Variants in KIRREL3 observed in about 807,000 individuals in gnomAD.
KIRREL3 encodes kin of IRRE-like protein 3.
Under a neutral mutation model 89.7 loss-of-function variants are expected in KIRREL3, and 36 were observed. The observed-to-expected ratio is 0.40, with a 90% CI of 0.31 to 0.53. KIRREL3 has a LOEUF of 0.53. Ranked by LOEUF, KIRREL3 falls within the 20% of genes least tolerant of loss-of-function variation. The pLI is 0.49. For missense variants in KIRREL3, 864 were observed against 1,056.6 expected, an observed-to-expected ratio of 0.82 and a Z score of 2.53; for synonymous variants, 445 against 441.4, an observed-to-expected ratio of 1.01 and a Z score of -0.10.
Position 126,991,714 on chromosome 11 carries a change from C to T in KIRREL3, c.55+8741G>A, listed in dbSNP as rs757792897. Among the ~76,000 whole-genome samples the T allele has an allele frequency of 6.0e-4, 91 of 152,180 alleles. No individual in the cohort carries two copies. Among genetic ancestry groups the T allele is most frequent in the Non-Finnish European group, 1.1e-3 (75 of 68,036 alleles). ...GAAGGTCAGACCTGGGATTCGGATG[C>T]ATGATTTTCATAGGAAACTCCCTAA... On this transcript the variant is annotated intron_variant, in intron 1 of 16. Coordinates refer to ENST00000525144, the MANE Select transcript of KIRREL3 (RefSeq NM_032531.4). This position sits in a 1 kb window ranked among gnomAD's most constrained non-coding sequence, Gnocchi z 5.8.
Position 126,708,662 on chromosome 11 carries a change from C to G in KIRREL3, c.56-145750G>C, listed in dbSNP as rs530349941. ...TCGAGAGCCAAGAGCGGCACTCCCA[C>G]CTGGGCACTCCTTGCTGATGGACCG... On this transcript the variant is annotated intron_variant, in intron 1 of 16. Coordinates refer to ENST00000525144, the MANE Select transcript of KIRREL3 (RefSeq NM_032531.4). The surrounding 1 kb of genome is among the most constrained non-coding windows in gnomAD (Gnocchi z 5.7). Among the ~76,000 whole-genome samples the G allele has an allele frequency of 1.1e-3, 163 of 152,286 alleles. 2 individuals carry two copies. The South Asian group carries it at 0.024, about 23-fold the overall frequency.
intron 1 of KIRREL3, among the ~76,000 whole-genome samples, chr11:126,895,386 C>T (rs1306212001): frequency 2.7e-5 from 4 of 150,874 alleles, no homozygotes; most frequent in African/African-American, 9.8e-5. Flanking sequence ...TTGCTTGAAC[C>T]CGGGAGGCGG....
Position 126,639,495 on chromosome 11 carries a change from T to C in KIRREL3, c.56-76583A>G, listed in dbSNP as rs570164343. On this transcript the variant is annotated intron_variant, in intron 1 of 16. Transcript: ENST00000525144. This position sits in a 1 kb window ranked among gnomAD's most constrained non-coding sequence, Gnocchi z 4.3. ...ACTGAGCTCAATAAACCATTTCCAA[T>C]GTGGCAGCTTCTAATCCAGGAGAGT... Among the ~76,000 whole-genome samples the C allele has an allele frequency of 6.6e-6, 1 of 152,314 alleles. No homozygotes were observed. The highest frequency in any genetic ancestry group is 1.5e-5 in the Non-Finnish European group (1 of 68,016).
intron 2 of KIRREL3, among the ~76,000 whole-genome samples, chr11:126,554,431 A>C (rs1442540618): frequency 6.6e-6 from 1 of 152,224 alleles, no homozygotes; most frequent in Non-Finnish European, 1.5e-5. Context: ...CTGGGGACCA[A>C]GACAAGTGCC....
In KIRREL3 at chr11:126,808,740, G is replaced by A. The variant is rs1318178745; in HGVS notation, c.55+191715C>T. Among the ~76,000 whole-genome samples the A allele has an allele frequency of 1.3e-5, 2 of 152,140 alleles. No individual in the cohort carries two copies. Among genetic ancestry groups the A allele is most frequent in the East Asian group, 3.9e-4 (2 of 5,194 alleles). On this transcript the variant is annotated intron_variant, in intron 1 of 16. Transcript: ENST00000525144. The surrounding 1 kb of genome is among the most constrained non-coding windows in gnomAD (Gnocchi z 4.1). ...ACAACTTGCTTTCCAATTTCCACAT[G>A]CATATATAGAATGAATTGTTGAGAC... is the stretch of plus-strand genomic sequence containing the variant.
At chr11:126,949,170 T>C (rs1948705620) in intron 1 of KIRREL3, among the ~76,000 whole-genome samples, 1 of 152,214 alleles carries the variant, frequency 6.6e-6, no homozygotes, top group Non-Finnish European at 1.5e-5. Context: ...TCTACAGGTA[T>C]GATTTCTGGT....
intron 1 of KIRREL3, among the ~76,000 whole-genome samples, chr11:126,713,285 G>A (rs1199903012): frequency 3.9e-5 from 6 of 152,206 alleles, no homozygotes; most frequent in Admixed American, 3.9e-4. Context: ...GCCAGAGAGA[G>A]CCTCATGCAT....
chr11:126,856,253 G>A (rs1461461414), intron 1 of KIRREL3, among the ~76,000 whole-genome samples: 1 of 152,090 alleles, frequency 6.6e-6, no homozygotes, highest in Non-Finnish European at 1.5e-5. Flanking sequence ...TAACCAGGAT[G>A]GGAACTAATC....
chr11:126,497,463 C>A (rs1183949957), intron 4 of KIRREL3, among the ~76,000 whole-genome samples: 1 of 152,214 alleles, frequency 6.6e-6, no homozygotes, highest in Non-Finnish European at 1.5e-5. Context: ...CAACAAATAA[C>A]TCTGGTCTCC....
At position 126,905,278 on chromosome 11, in the gene KIRREL3, G is replaced by A. The variant is rs545952655; in HGVS notation, c.55+95177C>T. Among the ~76,000 whole-genome samples the A allele has an allele frequency of 1.7e-3, 253 of 152,208 alleles. 1 individual carries two copies. The highest frequency in any genetic ancestry group is 2.2e-3 in the Non-Finnish European group (148 of 68,008). On this transcript the variant is annotated intron_variant, in intron 1 of 16. Transcript: ENST00000525144. The surrounding 1 kb of genome is among the most constrained non-coding windows in gnomAD (Gnocchi z 5.0). Reference sequence around the variant, plus strand: ...ATTTTTTAGTGAAGGAGATGCTTCCGGGGGGAGCTGCAAGCTGAGGGGCTG... The same window carrying A: ...ATTTTTTAGTGAAGGAGATGCTTCCAGGGGGAGCTGCAAGCTGAGGGGCTG...
In KIRREL3 at chr11:126,427,858, G is replaced by A. The variant is rs1346506314; in HGVS notation, c.1806+1321C>T. 6.6e-6 allele frequency among the ~76,000 whole-genome samples: 1 copy of A among 152,212 alleles called. No homozygotes were observed. Among genetic ancestry groups the A allele is most frequent in the African/African-American group, 2.4e-5 (1 of 41,454 alleles). On this transcript the variant is annotated intron_variant, in intron 15 of 16. Transcript: ENST00000525144. This position sits in a 1 kb window ranked among gnomAD's most constrained non-coding sequence, Gnocchi z 5.3. ...TGGGAGGCTGCTGTAATCATCCAGG[G>A]GAGCAATGATGAGGCCTGAAGTAAA... is the stretch of plus-strand genomic sequence containing the variant.
At chr11:126,749,175 G>C (rs1949252368) in intron 1 of KIRREL3, among the ~76,000 whole-genome samples, 1 of 152,144 alleles carries the variant, frequency 6.6e-6, no homozygotes, top group Admixed American at 6.5e-5. Flanking sequence ...CCCTGCTTTG[G>C]AGTCAGTGAT....
intron 1 of KIRREL3, among the ~76,000 whole-genome samples, chr11:126,925,899 G>A (rs548350195): frequency 6.6e-6 from 1 of 152,338 alleles, no homozygotes; most frequent in East Asian, 1.9e-4. Flanking sequence ...AGGGCTTTCT[G>A]CCAGGTTGAC....
intron 1 of KIRREL3, among the ~76,000 whole-genome samples, chr11:126,869,769 G>A (rs1945048025): frequency 6.6e-6 from 1 of 152,146 alleles, no homozygotes; most frequent in African/African-American, 2.4e-5. Flanking sequence ...AGTCTTTACT[G>A]TAAGACCCTC....
In KIRREL3 at chr11:126,795,318, G is replaced by A. The variant is rs1354648988; in HGVS notation, c.55+205137C>T. 6.6e-6 allele frequency among the ~76,000 whole-genome samples: 1 copy of A among 152,140 alleles called. No homozygotes were observed. Among genetic ancestry groups the A allele is most frequent in the African/African-American group, 2.4e-5 (1 of 41,430 alleles). Reference sequence around the variant, plus strand: ...CTAATGCAAGATGCTAATAATGGGGGAAACTCAGGGCAGAGGTTGGGAGGG... The same window carrying A: ...CTAATGCAAGATGCTAATAATGGGGAAAACTCAGGGCAGAGGTTGGGAGGG... On this transcript the variant is annotated intron_variant, in intron 1 of 16. Coordinates refer to ENST00000525144, the MANE Select transcript of KIRREL3 (RefSeq NM_032531.4). The surrounding 1 kb of genome is among the most constrained non-coding windows in gnomAD (Gnocchi z 4.1).
intron 1 of KIRREL3, among the ~76,000 whole-genome samples, chr11:126,980,765 C>A (rs1332927974): frequency 1.3e-5 from 2 of 152,044 alleles, no homozygotes; most frequent in Non-Finnish European, 2.9e-5. Flanking sequence ...ATTAGGACCC[C>A]AATTGGGGAG....
In KIRREL3 at chr11:126,431,329, T is replaced by C; in HGVS notation, c.1696+90A>G. ...CAGCACTGTTAGGACCCCTGTTCAT[T>C]GCACTCCTGCTTACTTGCTCTCCGG... On this transcript the variant is annotated intron_variant, in intron 14 of 16. Coordinates refer to ENST00000525144, the MANE Select transcript of KIRREL3 (RefSeq NM_032531.4). The surrounding 1 kb of genome is among the most constrained non-coding windows in gnomAD (Gnocchi z 7.1). The C allele has an allele frequency of 2.6e-6, 4 of 1,563,896 alleles. No homozygotes were observed. Among genetic ancestry groups the C allele is most frequent in the Non-Finnish European group, 3.5e-6 (4 of 1,154,072 alleles).
chr11:126,765,608 C>T (rs916909860), intron 1 of KIRREL3, among the ~76,000 whole-genome samples: 4 of 152,154 alleles, frequency 2.6e-5, no homozygotes, highest in Admixed American at 6.5e-5. Context: ...CCCTTTCCTT[C>T]GGGCTCCAGT....
In KIRREL3 at chr11:126,664,256, C is replaced by G. The variant is rs2135027980; in HGVS notation, c.56-101344G>C. ...TTAGCATTTTTTTTTTTTTTACCAT[C>G]ATTATGATCATCAACCCAGCACCAA... On this transcript the variant is annotated intron_variant, in intron 1 of 16. Coordinates refer to ENST00000525144, the MANE Select transcript of KIRREL3 (RefSeq NM_032531.4). The surrounding 1 kb of genome is among the most constrained non-coding windows in gnomAD (Gnocchi z 5.4). 6.7e-6 allele frequency among the ~76,000 whole-genome samples: 1 copy of G among 150,068 alleles called. No individual in the cohort carries two copies. The highest frequency in any genetic ancestry group is 2.0e-4 in the East Asian group (1 of 5,122).
Sources: gnomAD v4.1 joint callset for allele counts (sites outside exome capture counted in the v4.1 genomes callset) on GRCh38, gnomAD v4.1.1 for gene constraint, Gnocchi (gnomAD v3.1) non-coding constraint, MANE v1.5 for transcripts, NCBI Gene and HGNC (gene_info 2026-07-23, HGNC 2026-07-21) for gene names.